Variants in FUS observed in about 807,000 individuals in gnomAD.
FUS encodes RNA-binding protein FUS.
Under a neutral mutation model 82.7 loss-of-function variants are expected in FUS, and 5 were observed. The ratio of observed to expected loss-of-function variants is 0.06; its 90% CI spans 0.03 to 0.13. The LOEUF (loss-of-function observed/expected upper bound fraction) is 0.13, where lower values mean the gene tolerates loss of function less well. FUS is among the 10% of genes least tolerant of loss of function. The probability of loss-of-function intolerance (pLI) is 1.00; values close to 1 mark genes in which losing one functional copy is unlikely to be tolerated. For missense variants in FUS, 512 were observed against 707.8 expected, an observed-to-expected ratio of 0.72 and a Z score of 3.14; for synonymous variants, 281 against 247.4, an observed-to-expected ratio of 1.14 and a Z score of -1.27.
chr16:31,191,287 T>C (rs1596913579), intron 14 of FUS, 112 bp from the exon 15 acceptor site: 1 of 1,500,952 alleles, frequency 6.7e-7, no homozygotes, highest in East Asian at 2.3e-5. Context: ...TAGACCCACT[T>C]GAGATAAGAT....
In FUS at chr16:31,191,530, A is replaced by G. The variant is rs1596914764; in HGVS notation, c.*92A>G. ...GTAACCTTCCAATTCCTGATCACCC[A>G]AGGGTTTTTTTGTGTCGGACTATGT... On this transcript the variant is annotated 3_prime_UTR_variant, in exon 15 of 15. Transcript: ENST00000254108. The G allele has an allele frequency of 1.4e-6, 2 of 1,412,434 alleles. No individual in the cohort carries two copies. The highest frequency in any genetic ancestry group is 2.0e-4 in the Middle Eastern group (1 of 4,928). 87.5% of individuals were successfully genotyped at this position (1,412,434 alleles called of 1,614,324 possible).
At chr16:31,180,134 G>T (rs1158621295), upstream of FUS, 9 of 1,564,210 alleles carry the variant, frequency 5.8e-6, no homozygotes, top group African/African-American at 9.5e-5. Flanking sequence ...GCAGGAGGCG[G>T]GGCTGCTCAG....
In FUS at chr16:31,191,067, G is replaced by T. The variant is rs566211402; in HGVS notation, c.1498G>T (p.Gly500Cys). The T allele has an allele frequency of 5.0e-6, 8 of 1,613,270 alleles. No individual in the cohort carries two copies. In the South Asian group the frequency reaches 8.8e-5, roughly 18 times the overall value. ...DRGGFRGGRG[G>C]GDRGGFGPGK... ...TGGAGGCTTCCGAGGGGGCCGGGGTGGTGGGGACAGAGGTGGCTTTGGCCC... is the reference window on the plus strand; with the variant it reads ...TGGAGGCTTCCGAGGGGGCCGGGGTTGTGGGGACAGAGGTGGCTTTGGCCC... Residue 500 changes from glycine (G) to cysteine (C), a missense_variant, in exon 14 of 15, where the codon GGT (glycine) becomes TGT (cysteine). Physicochemically the swap from Gly to Cys is radical, Grantham distance 159. This residue lies in a region of FUS where 96 missense variants were observed against 120.7 expected (regional missense o/e 0.80). Transcript: ENST00000254108.
In FUS at chr16:31,182,416, C is replaced by T; in HGVS notation, c.32C>T (p.Thr11Ile). 1 of 1,614,216 alleles carries T rather than the reference C, an allele frequency of 6.2e-7. No individual in the cohort carries two copies. Among genetic ancestry groups the T allele is most frequent in the Non-Finnish European group, 8.5e-7 (1 of 1,180,040 alleles). Reference protein sequence around the residue: MASNDYTQQATQSYGAYPTQP... With the variant: MASNDYTQQAIQSYGAYPTQP... ...TTTGCAGATTATACCCAACAAGCAACCCAAAGGTGAGTGCTATTTTTGGGC... is the reference window on the plus strand; with the variant it reads ...TTTGCAGATTATACCCAACAAGCAATCCAAAGGTGAGTGCTATTTTTGGGC... The change falls in exon 2 of 15, where the codon ACC (threonine) becomes ATC (isoleucine). Residue 11 changes from threonine (T) to isoleucine (I), a missense_variant. Thr to Ile is a moderately conservative substitution (Grantham distance 89). This residue lies in a region of FUS where 276 missense variants were observed against 303.3 expected (regional missense o/e 0.91). Transcript: ENST00000254108.
chr16:31,181,505 T>A (rs2079177235), intron 1 of FUS, among the ~76,000 whole-genome samples: 1 of 152,176 alleles, frequency 6.6e-6, no homozygotes, highest in Non-Finnish European at 1.5e-5. Context: ...AGTTGCATGA[T>A]CTCTGTCATT....
At position 31,180,152 on chromosome 16, in the gene FUS, G is replaced by C; in HGVS notation, c.-63G>C. 1 of 1,592,008 alleles carries C rather than the reference G, an allele frequency of 6.3e-7. No individual in the cohort carries two copies. The highest frequency in any genetic ancestry group is 8.6e-7 in the Non-Finnish European group (1 of 1,168,930). The stretch of plus-strand genomic sequence containing the variant: ...GGAGGCGGGGCTGCTCAGTCCTCCA[G>C]GCGTCGGTACTCAGCGGTGTTGGAA... On this transcript the variant is annotated 5_prime_UTR_variant, in exon 1 of 15. Coordinates refer to ENST00000254108, the MANE Select transcript of FUS (RefSeq NM_004960.4).
chr16:31,188,204 T>G (rs2079298929), intron 7 of FUS, 121 bp from the exon 8 acceptor site: 1 of 1,056,938 alleles, frequency 9.5e-7, no homozygotes. Flanking sequence ...ACTTACTTGA[T>G]ATTTTACAAG....
At chr16:31,184,721 G>A (rs2079236825) in intron 5 of FUS, among the ~76,000 whole-genome samples, 1 of 151,840 alleles carries the variant, frequency 6.6e-6, no homozygotes. Flanking sequence ...GGGATTACAG[G>A]CGTGAGCCAC....
chr16:31,189,072 T>C (rs1479325351), intron 8 of FUS, 51 bp from the exon 9 acceptor site: 4 of 1,409,044 alleles, frequency 2.8e-6, no homozygotes, highest in Non-Finnish European at 4.0e-6. Flanking sequence ...TTTTTTCCTG[T>C]GTTTTTTATT....
chr16:31,190,902 G>A (rs1320558659), intron 13 of FUS, 60 bp downstream of exon 13: 22 of 1,612,440 alleles, frequency 1.4e-5, no homozygotes, highest in African/African-American at 4.0e-5. Context: ...ATTTTTCAGC[G>A]GGGAGGCTCG....
At chr16:31,192,792 T>C (rs764070624), downstream of FUS, 1 of 480,236 alleles carries the variant, frequency 2.1e-6, no homozygotes, top group South Asian at 1.5e-5. Context: ...GCTGGTCTCT[T>C]AACTCCTGAC....
chr16:31,187,616 A>G (rs915700212), intron 7 of FUS: 6 of 231,664 alleles, frequency 2.6e-5, no homozygotes, highest in Admixed American at 1.7e-4. Flanking sequence ...TTTAAAGCCA[A>G]AGGTGTGGGT....
At chr16:31,189,843 A>G in intron 10 of FUS, 49 bp downstream of exon 10, 1 of 1,612,924 alleles carries the variant, frequency 6.2e-7, no homozygotes, top group Non-Finnish European at 8.5e-7. Flanking sequence ...ATAGGGCAGC[A>G]AGCCTTAGGA....
At chr16:31,194,082 C>T (rs946149581), downstream of FUS, 5 of 534,076 alleles carry the variant, frequency 9.4e-6, no homozygotes, top group East Asian at 1.6e-4. Context: ...TCTGTTTGTC[C>T]CTTCCTTGAT....
At chr16:31,186,946 C>T in intron 7 of FUS, 110 bp downstream of exon 7, 4 of 1,053,326 alleles carry the variant, frequency 3.8e-6, no homozygotes, top group Non-Finnish European at 5.9e-6. Flanking sequence ...TTTGAGGTGT[C>T]CAGAACCACC....
chr16:31,188,679 A>T, intron 8 of FUS: 1 of 502,536 alleles, frequency 2.0e-6, no homozygotes, highest in Non-Finnish European at 3.5e-6. Context: ...AATGTGGATC[A>T]TGTCCAAGTT....
intron 3 of FUS, 34 bp downstream of exon 3, chr16:31,182,698 T>G: frequency 6.2e-7 from 1 of 1,613,658 alleles, no homozygotes; most frequent in Non-Finnish European, 8.5e-7. Flanking sequence ...CTCTTCCTAC[T>G]CTTTCTGAAT....
intron 6 of FUS, chr16:31,186,509 C>T (rs1384148432): frequency 2.0e-6 from 1 of 500,062 alleles, no homozygotes; most frequent in African/African-American, 1.9e-5. Flanking sequence ...AAAACATCTG[C>T]TCCATCGGAA....
At chr16:31,184,519 C>G (rs1751911380) in intron 5 of FUS, 123 bp downstream of exon 5, 3 of 996,812 alleles carry the variant, frequency 3.0e-6, no homozygotes, top group Non-Finnish European at 4.5e-6. Flanking sequence ...TCTCGGCTCA[C>G]TGCAAGCTCC....
Sources: allele counts gnomAD v4.1 joint callset (sites outside exome capture counted in the v4.1 genomes callset), GRCh38; gene constraint gnomAD v4.1.1; regional missense constraint gnomAD v4.1.1; transcripts MANE v1.5; gene names NCBI Gene and HGNC (gene_info 2026-07-23, HGNC 2026-07-21).